The following MAP4 variants were observed in gnomAD, a reference collection of about 807,000 sequenced individuals.
MAP4 encodes microtubule-associated protein 4.
MAP4 carries 76 observed loss-of-function variants against 170.2 expected under a neutral mutation model. That is an observed-to-expected ratio of 0.45 (90% CI 0.37 to 0.54). MAP4 has a LOEUF of 0.54. Ranked by LOEUF, MAP4 falls within the 20% of genes least tolerant of loss-of-function variation. MAP4 has a pLI of 0.00. For missense variants in MAP4, 2,506 were observed against 2,748.0 expected, an observed-to-expected ratio of 0.91 and a Z score of 1.97; for synonymous variants, 909 against 994.5, an observed-to-expected ratio of 0.91 and a Z score of 1.62.
intron 11 of MAP4, among the ~76,000 whole-genome samples, chr3:47,876,473 T>C (rs114755379): frequency 1.4e-3 from 209 of 152,336 alleles, no homozygotes; most frequent in African/African-American, 4.7e-3. Context: ...TTCTGGCAGT[T>C]TGGCACCTGA....
intron 10 of MAP4, among the ~76,000 whole-genome samples, chr3:47,884,014 T>C (rs185661466): frequency 3.9e-5 from 6 of 152,368 alleles, no homozygotes; most frequent in Admixed American, 3.9e-4. Flanking sequence ...GTTGCTTGAA[T>C]CTGTAAGTTT....
At chr3:47,906,267 C>T (rs564779531) in intron 9 of MAP4, among the ~76,000 whole-genome samples, 9 of 152,074 alleles carry the variant, frequency 5.9e-5, no homozygotes, top group South Asian at 2.1e-4. Context: ...ATTCTTACTC[C>T]GGAGCCCCTT....
chr3:47,915,288 G>A (rs1163098451), intron 7 of MAP4, among the ~76,000 whole-genome samples: 1 of 151,808 alleles, frequency 6.6e-6, no homozygotes, highest in Admixed American at 6.6e-5. Flanking sequence ...GGCTAATTTT[G>A]TATTTTTAGT....
At chr3:48,012,429 T>G (rs11918619) in intron 1 of MAP4, among the ~76,000 whole-genome samples, 3,235 of 152,332 alleles carry the variant, frequency 0.021, 120 homozygotes, top group Admixed American at 0.1. Context: ...AAAGGACATC[T>G]GTGCCATCCT....
At chr3:48,074,735 G>C (rs1378792831) in intron 1 of MAP4, among the ~76,000 whole-genome samples, 1 of 63,202 alleles carries the variant, frequency 1.6e-5, no homozygotes, top group Non-Finnish European at 3.3e-5. Context: ...TGATATGTCG[G>C]CCAGACTGGT....
At chr3:47,883,952 T>C (rs960356253) in intron 10 of MAP4, among the ~76,000 whole-genome samples, 1 of 152,262 alleles carries the variant, frequency 6.6e-6, no homozygotes, top group Non-Finnish European at 1.5e-5. Context: ...AGTTTAATTA[T>C]GAAAAGTCAT....
At chr3:47,882,591 G>T (rs1367788784) in intron 10 of MAP4, among the ~76,000 whole-genome samples, 1 of 151,920 alleles carries the variant, frequency 6.6e-6, no homozygotes, top group Non-Finnish European at 1.5e-5. Context: ...ACAACAAACT[G>T]GTATCAATGT....
intron 3 of MAP4, among the ~76,000 whole-genome samples, chr3:47,940,924 C>A (rs1311448926): frequency 2.0e-5 from 3 of 151,944 alleles, no homozygotes; most frequent in African/African-American, 7.3e-5. Flanking sequence ...GCTGCCCAGG[C>A]TGGAGTGCAA....
chr3:48,052,408 G>C (rs1015401298), intron 1 of MAP4, among the ~76,000 whole-genome samples: 13 of 152,132 alleles, frequency 8.5e-5, no homozygotes, highest in Admixed American at 7.2e-4. Context: ...TCTTAGGAAA[G>C]ACAGGGTTTC....
intron 1 of MAP4, among the ~76,000 whole-genome samples, chr3:48,046,814 G>C (rs192818834): frequency 1.3e-5 from 2 of 152,286 alleles, no homozygotes; most frequent in Admixed American, 6.5e-5. Context: ...AAAAATGTTA[G>C]CCGGGCGCGG....
At chr3:47,943,940 CCTA>C (rs2100058078) in intron 3 of MAP4, among the ~76,000 whole-genome samples, 1 of 152,036 alleles carries the variant, frequency 6.6e-6, no homozygotes, top group South Asian at 2.1e-4. Flanking sequence ...TATTCTACCT[CCTA>C]CAACACTTGA....
intron 1 of MAP4, among the ~76,000 whole-genome samples, chr3:48,073,033 C>T (rs1029138107): frequency 3.4e-5 from 5 of 148,460 alleles, no homozygotes; most frequent in Admixed American, 1.3e-4. Flanking sequence ...GAGTTGGAGA[C>T]GAGCCTGGCC....
intron 1 of MAP4, among the ~76,000 whole-genome samples, chr3:48,043,746 A>G (rs1464131260): frequency 6.6e-6 from 1 of 152,230 alleles, no homozygotes; most frequent in African/African-American, 2.4e-5. Flanking sequence ...GGCAGCTTTC[A>G]TTTTACACAA....
At chr3:48,045,984 C>CTTTTTTTTTTTTTTTTTT in intron 1 of MAP4, among the ~76,000 whole-genome samples, 1 of 130,848 alleles carries the variant, frequency 7.6e-6, no homozygotes, top group Non-Finnish European at 1.6e-5. Flanking sequence ...TGCATCACTT[C>CTTTTTTTTTTTTTTTTTT]TTTTTTTTTT....
intron 3 of MAP4, among the ~76,000 whole-genome samples, chr3:47,929,576 A>G (rs2100048161): frequency 6.9e-6 from 1 of 145,132 alleles, no homozygotes; most frequent in Non-Finnish European, 1.5e-5. Flanking sequence ...TGCAAAAGTT[A>G]ACTCCAAACA....
rs115125032 is a variant in MAP4 at position 47,865,114 on chromosome 3, C to T, written c.6501+2132G>A. 3.1e-3 allele frequency among the ~76,000 whole-genome samples: 477 copies of T among 152,086 alleles called. 2 individuals carry two copies. Among genetic ancestry groups the T allele is most frequent in the Non-Finnish European group, 4.6e-3 (316 of 68,004 alleles). ...GAAAAGGCTTTAAAAATACATTCAC[C>T]CTCAAAACAACAAAACAAAACAAAA... On this transcript the variant is annotated intron_variant, in intron 17 of 20. Coordinates refer to ENST00000683076, the MANE Select transcript of MAP4 (RefSeq NM_001385682.1).
rs535011560 is a variant in MAP4, at chr3:47,882,384, T to C, written c.5435-4861A>G. ...TTGTTCTCTCTTTTTCTCATTTCTGTTTCACTTTCCTGCCTTCCTGTTGGT... is the reference window on the plus strand; with the variant it reads ...TTGTTCTCTCTTTTTCTCATTTCTGCTTCACTTTCCTGCCTTCCTGTTGGT... On this transcript the variant is annotated intron_variant, in intron 10 of 20. Coordinates refer to ENST00000683076, the MANE Select transcript of MAP4 (RefSeq NM_001385682.1). 2.6e-5 allele frequency among the ~76,000 whole-genome samples: 4 copies of C among 152,372 alleles called. 1 individual carries two copies. The South Asian group carries it at 8.3e-4, about 32-fold the overall frequency.
At chr3:47,997,394 T>A (rs1397015055) in intron 2 of MAP4, among the ~76,000 whole-genome samples, 1 of 139,480 alleles carries the variant, frequency 7.2e-6, no homozygotes, top group African/African-American at 2.7e-5. Context: ...AAGGAAATAT[T>A]TTTAAATATT....
At chr3:48,014,864 A>G (rs759639224) in intron 1 of MAP4, among the ~76,000 whole-genome samples, 13 of 152,206 alleles carry the variant, frequency 8.5e-5, no homozygotes, top group Non-Finnish European at 1.9e-4. Context: ...ATCCCTGGAA[A>G]GACCATTGTT....
Sources: gnomAD v4.1 joint callset for allele counts (sites outside exome capture counted in the v4.1 genomes callset) on GRCh38, gnomAD v4.1.1 for gene constraint, MANE v1.5 for transcripts, NCBI Gene and HGNC (gene_info 2026-07-23, HGNC 2026-07-21) for gene names.